WASF1: variants seen among roughly 807,000 people sequenced by gnomAD.
WASF1 encodes actin-binding protein WASF1.
In WASF1, 7 loss-of-function variants were observed where a neutral mutation model predicts 50.5. The ratio of observed to expected loss-of-function variants is 0.14; its 90% CI spans 0.08 to 0.26. The LOEUF (loss-of-function observed/expected upper bound fraction) is 0.26. Among genes scored for constraint, WASF1 ranks in the 10% least tolerant of loss-of-function variants. The probability of loss-of-function intolerance (pLI) is 1.00; values close to 1 mark genes in which losing one functional copy is unlikely to be tolerated. For synonymous variants in WASF1, 205 were observed against 244.0 expected, an observed-to-expected ratio of 0.84 and a Z score of 1.49; for missense variants, 470 against 694.7, an observed-to-expected ratio of 0.68 and a Z score of 3.64.
chr6:110,144,489 T>C (rs1775438000), intron 3 of WASF1, among the ~76,000 whole-genome samples: 1 of 152,264 alleles, frequency 6.6e-6, no homozygotes, highest in African/African-American at 2.4e-5. Flanking sequence ...TTGTCAATTC[T>C]GGCTTTTGTT....
intron 5 of WASF1, among the ~76,000 whole-genome samples, chr6:110,110,135 T>C (rs1773494908): frequency 6.6e-6 from 1 of 152,240 alleles, no homozygotes; most frequent in African/African-American, 2.4e-5. Context: ...ACATACTATA[T>C]GTGCTAGATG....
chr6:110,171,621 G>A (rs892414535), intron 2 of WASF1, among the ~76,000 whole-genome samples: 7 of 152,076 alleles, frequency 4.6e-5, no homozygotes, highest in African/African-American at 1.7e-4. Context: ...ACGGGCATGG[G>A]CAAGGACTTC....
chr6:110,130,504 C>T (rs746820505), intron 3 of WASF1, among the ~76,000 whole-genome samples: 1 of 152,142 alleles, frequency 6.6e-6, no homozygotes, highest in Non-Finnish European at 1.5e-5. Context: ...TTATGCCTTG[C>T]CTTTTTCATT....
At position 110,170,277 on chromosome 6, in the gene WASF1, T is replaced by C. The variant is rs9481041; in HGVS notation, c.-127+8321A>G. On this transcript the variant is annotated intron_variant, in intron 2 of 10. Coordinates refer to ENST00000392589, the MANE Select transcript of WASF1 (RefSeq NM_003931.3). The stretch of plus-strand genomic sequence containing the variant: ...TCCTTCCATCACTCAGACCGGAGTA[T>C]AGTGGTGCAATCTTGGCTCACTGCA... Among the ~76,000 whole-genome samples, 528 of 152,102 alleles carry C rather than the reference T, an allele frequency of 3.5e-3. 2 individuals are homozygous for C. The highest frequency in any genetic ancestry group is 0.011 in the African/African-American group (464 of 41,500).
intron 8 of WASF1, 140 bp from the exon 9 acceptor site, chr6:110,103,697 T>A: frequency 1.3e-6 from 1 of 771,678 alleles, no homozygotes; most frequent in Non-Finnish European, 1.9e-6. Context: ...AGAAATGTAT[T>A]ATATTAATCC....
chr6:110,127,116 A>G (rs774487702), intron 4 of WASF1, among the ~76,000 whole-genome samples: 14 of 152,330 alleles, frequency 9.2e-5, no homozygotes, highest in South Asian at 2.1e-4. Flanking sequence ...GTGTTTGAAA[A>G]CACAAATAGT....
chr6:110,153,272 G>C (rs1326200012), intron 3 of WASF1, among the ~76,000 whole-genome samples: 1 of 152,132 alleles, frequency 6.6e-6, no homozygotes, highest in Admixed American at 6.5e-5. Flanking sequence ...TCCACCAACA[G>C]AGTTCTAGGT....
At chr6:110,129,132 C>G (rs1774547765) in intron 3 of WASF1, among the ~76,000 whole-genome samples, 1 of 152,138 alleles carries the variant, frequency 6.6e-6, no homozygotes, top group African/African-American at 2.4e-5. Context: ...CCACTTCTTT[C>G]AAAGTCAGTT....
At chr6:110,112,910 C>CAA (rs947232810) in intron 5 of WASF1, among the ~76,000 whole-genome samples, 16 of 113,578 alleles carry the variant, frequency 1.4e-4, no homozygotes, top group South Asian at 2.9e-4. Context: ...AAAAAAAAAA[C>CAA]AAAAAAAAAA....
intron 4 of WASF1, among the ~76,000 whole-genome samples, chr6:110,126,106 G>A (rs144516855): frequency 1.0e-3 from 154 of 151,998 alleles, no homozygotes; most frequent in African/African-American, 3.3e-3. Context: ...TTTAATATTA[G>A]CATGCTTATA....
rs1773776619 is a variant in WASF1 at position 110,115,737 on chromosome 6, T to A, written c.134-2277A>T. On this transcript the variant is annotated intron_variant, in intron 4 of 10. Transcript: ENST00000392589. ...ATGAAAGTTTGGAGGGATTATACCA[T>A]CAAAGATGTCATAGTTATTATTGAA... is the stretch of plus-strand genomic sequence containing the variant. 2.0e-5 allele frequency among the ~76,000 whole-genome samples: 3 copies of A among 152,180 alleles called. No homozygotes were observed. The South Asian group carries it at 6.2e-4, about 32-fold the overall frequency.
chr6:110,112,848 C>T (rs1189252554), intron 5 of WASF1, among the ~76,000 whole-genome samples: 106 of 144,014 alleles, frequency 7.4e-4, no homozygotes, highest in Non-Finnish European at 1.3e-3. Flanking sequence ...TGCAGTGAGC[C>T]GAGATTGCGC....
At chr6:110,150,343 T>C (rs971704240) in intron 3 of WASF1, among the ~76,000 whole-genome samples, 6 of 152,292 alleles carry the variant, frequency 3.9e-5, no homozygotes, top group Admixed American at 2.0e-4. Context: ...TTATTATGCA[T>C]GTAGAGAGAA....
chr6:110,142,991 TTTC>T (rs1225313672), intron 3 of WASF1, among the ~76,000 whole-genome samples: 4 of 138,110 alleles, frequency 2.9e-5, no homozygotes, highest in Non-Finnish European at 6.2e-5. Context: ...AATTCCCAAG[TTTC>T]TTCGTTTATT....
chr6:110,159,887 A>G (rs1247960269), intron 3 of WASF1, among the ~76,000 whole-genome samples: 1 of 151,722 alleles, frequency 6.6e-6, no homozygotes, highest in Non-Finnish European at 1.5e-5. Flanking sequence ...AATGTTTCGG[A>G]TTTTGGAACA....
At chr6:110,126,923 G>T (rs1774442002) in intron 4 of WASF1, among the ~76,000 whole-genome samples, 1 of 152,056 alleles carries the variant, frequency 6.6e-6, no homozygotes, top group Admixed American at 6.6e-5. Context: ...AAGTTCATTT[G>T]CTGTTTTCAC....
chr6:110,102,335 C>T (rs942669976), intron 9 of WASF1, 119 bp from the exon 10 acceptor site: 6 of 1,051,216 alleles, frequency 5.7e-6, no homozygotes, highest in Admixed American at 6.9e-5. Flanking sequence ...CAATAACATG[C>T]TCCTATAGAA....
chr6:110,122,994 C>A (rs1774208544), intron 4 of WASF1, among the ~76,000 whole-genome samples: 1 of 152,054 alleles, frequency 6.6e-6, no homozygotes, highest in South Asian at 2.1e-4. Context: ...TGCTTTTAAA[C>A]CTTGTTCTAC....
chr6:110,100,224 T>C lies in WASF1; in HGVS notation c.*298A>G, dbSNP rs1773023586. On this transcript the variant is annotated 3_prime_UTR_variant, in exon 11 of 11. Coordinates refer to ENST00000392589, the MANE Select transcript of WASF1 (RefSeq NM_003931.3). ...AATTAAAATTCACAAAGTACACAAT[T>C]AAGATATATCAAAAAACTGAATCTG... is the stretch of plus-strand genomic sequence containing the variant. 9.0e-6 allele frequency: 2 copies of C among 222,662 alleles called. No individual in the cohort carries two copies. Among genetic ancestry groups the C allele is most frequent in the African/African-American group, 4.6e-5 (2 of 43,538 alleles). The allele number at this position is 222,662 out of a possible 1,614,324, so 13.8% of individuals were successfully genotyped here. A position where few individuals can be genotyped will look rare whatever the true frequency, so the allele number is the denominator to read the frequency against.
Sources: gnomAD v4.1 joint callset for allele counts (sites outside exome capture counted in the v4.1 genomes callset) on GRCh38, gnomAD v4.1.1 for gene constraint, MANE v1.5 for transcripts, NCBI Gene and HGNC (gene_info 2026-07-23, HGNC 2026-07-21) for gene names.